The following ECPAS variants were observed in gnomAD, a reference collection of about 807,000 sequenced individuals.
ECPAS encodes the protein proteasome adapter and scaffold protein ECM29.
ECPAS carries 70 observed loss-of-function variants against 255.1 expected under a neutral mutation model. The ratio of observed to expected loss-of-function variants is 0.27; its 90% CI spans 0.23 to 0.33. The LOEUF (loss-of-function observed/expected upper bound fraction) is 0.33, where lower values mean the gene tolerates loss of function less well. ECPAS is among the 10% of genes least tolerant of loss of function. ECPAS has a pLI of 1.00. For synonymous variants in ECPAS, 784 were observed against 775.0 expected (o/e 1.01, Z -0.19); for missense variants, 1,817 against 2,206.4 (o/e 0.82, Z 3.54).
intron 1 of ECPAS, chr9:111,483,559 G>A (rs2098310237): frequency 7.9e-6 from 4 of 506,204 alleles, no homozygotes; most frequent in Non-Finnish European, 7.6e-6. Context: ...GCCGGGGAGG[G>A]AACGAGGGAG....
At chr9:111,462,028 G>T (rs533266868) in intron 2 of ECPAS, among the ~76,000 whole-genome samples, 1 of 152,264 alleles carries the variant, frequency 6.6e-6, no homozygotes, top group Non-Finnish European at 1.5e-5. Flanking sequence ...GGGAATTATG[G>T]GAGCTACAAG....
rs1422576527 is a variant in ECPAS, at chr9:111,389,685, A to G, written c.3318T>C (p.Ala1106=). 1.2e-6 allele frequency: 2 copies of G among 1,613,426 alleles called. No individual in the cohort carries two copies. Among genetic ancestry groups the G allele is most frequent in the Non-Finnish European group, 1.7e-6 (2 of 1,179,734 alleles). Residue 1106 remains alanine, a synonymous_variant, in exon 31 of 50, where the codon GCT becomes GCC. Coordinates refer to ENST00000684092, the MANE Select transcript of ECPAS (RefSeq NM_001364929.1). ...AFGFNVIATR[A]GEQLAPFLPQ... is the part of the protein sequence containing the mutation. Reference sequence around the variant, plus strand: ...GCAGAAAAGGAGCCAGCTGCTCTCCAGCTCTGGTAGCAATTACATTAAAAC... The same window carrying G: ...GCAGAAAAGGAGCCAGCTGCTCTCCGGCTCTGGTAGCAATTACATTAAAAC...
Position 111,411,025 on chromosome 9 carries a change from G to A in ECPAS, c.2332C>T (p.Leu778Phe), listed in dbSNP as rs186985951. The change falls in exon 22 of 50, where the codon CTC (leucine) becomes TTC (phenylalanine). Residue 778 changes from leucine (L) to phenylalanine (F), a missense_variant. Transcript: ENST00000684092. Reference protein sequence around the residue: ...QQDLERNADTLPDQEELIQSA... With the variant: ...QQDLERNADTFPDQEELIQSA... ...TGAATGAGTTCCTCTTGATCAGGGA[G>A]GGTGTCAGCATTTCTCTCCAGGTCT... The A allele has an allele frequency of 1.8e-3, 2,833 of 1,613,868 alleles. 9 individuals are homozygous for A. The highest frequency in any genetic ancestry group is 1.4e-3 in the South Asian group (126 of 91,070).
At chr9:111,410,797 G>A (rs2098192855) in intron 22 of ECPAS, among the ~76,000 whole-genome samples, 183 bp downstream of exon 22, 1 of 152,096 alleles carries the variant, frequency 6.6e-6, no homozygotes, top group South Asian at 2.1e-4. Context: ...GAGATTATAG[G>A]CATGAGCCAC....
chr9:111,410,857 T>C (rs2098192980), intron 22 of ECPAS, 123 bp downstream of exon 22: 3 of 1,059,214 alleles, frequency 2.8e-6, no homozygotes, highest in South Asian at 1.6e-5. Flanking sequence ...TCAAGTAAGT[T>C]TTTTGTGAAA....
At chr9:111,457,869 A>C (rs2098268818) in intron 2 of ECPAS, among the ~76,000 whole-genome samples, 1 of 152,210 alleles carries the variant, frequency 6.6e-6, no homozygotes. Context: ...GTGTCTAATC[A>C]CTGAAAAAAT....
At chr9:111,401,664 G>A (rs1179991475) in intron 24 of ECPAS, among the ~76,000 whole-genome samples, 1 of 152,158 alleles carries the variant, frequency 6.6e-6, no homozygotes. Flanking sequence ...AACCACATAA[G>A]ACAGACGCTC....
chr9:111,379,709 T>C (rs575493588), intron 35 of ECPAS, among the ~76,000 whole-genome samples: 1 of 152,254 alleles, frequency 6.6e-6, no homozygotes, highest in Non-Finnish European at 1.5e-5. Flanking sequence ...CAACTAAGTT[T>C]ATGAAATATT....
chr9:111,362,821 G>A (rs753427822), intron 49 of ECPAS, among the ~76,000 whole-genome samples: 185 of 152,198 alleles, frequency 1.2e-3, no homozygotes, highest in African/African-American at 4.1e-3. Context: ...TCGGTAATAC[G>A]ACTAAGTGCC....
At chr9:111,384,782 T>C (rs1232398943) in intron 33 of ECPAS, among the ~76,000 whole-genome samples, 1 of 152,238 alleles carries the variant, frequency 6.6e-6, no homozygotes, top group Non-Finnish European at 1.5e-5. Flanking sequence ...ACATTAACTG[T>C]AACCTATTTT....
chr9:111,440,996 C>CA (rs1198583707), intron 5 of ECPAS, among the ~76,000 whole-genome samples: 3 of 151,254 alleles, frequency 2.0e-5, no homozygotes, highest in Non-Finnish European at 2.9e-5. Context: ...ACTAAAAATA[C>CA]AAAAAATCAG....
At chr9:111,406,665 A>G (rs900635734) in intron 24 of ECPAS, among the ~76,000 whole-genome samples, 9 of 149,490 alleles carry the variant, frequency 6.0e-5, no homozygotes, top group Non-Finnish European at 1.5e-5. Context: ...GCATTTTGGG[A>G]GATCCAGGTG....
At chr9:111,397,529 T>C (rs1430943342) in intron 24 of ECPAS, among the ~76,000 whole-genome samples, 1 of 152,212 alleles carries the variant, frequency 6.6e-6, no homozygotes, top group Non-Finnish European at 1.5e-5. Context: ...TAAACCCTTA[T>C]TTAAACTTCT....
chr9:111,383,412 T>C (rs2098143097), intron 34 of ECPAS, 80 bp from the exon 35 acceptor site: 2 of 1,488,712 alleles, frequency 1.3e-6, no homozygotes, highest in South Asian at 1.3e-5. Context: ...GACTTTCTAC[T>C]TCACATATCT....
At chr9:111,443,451 A>G (rs770882480) in intron 4 of ECPAS, among the ~76,000 whole-genome samples, 1 of 140,902 alleles carries the variant, frequency 7.1e-6, no homozygotes. Flanking sequence ...GGGTTTCACT[A>G]TGATGGCCAG....
In ECPAS at chr9:111,473,017, CA is replaced by C. The variant is rs1181284801; in HGVS notation, c.-82-18del. On this transcript the variant is annotated intron_variant, in intron 1 of 49. Transcript: ENST00000684092. ...ATAAAGAATCTATTATTTAGAACAC[CA>C]AAAAAATACAATTAACAGATGTATA... 1.8e-5 allele frequency: 15 copies of C among 823,308 alleles called. No homozygotes were observed. The highest frequency in any genetic ancestry group is 6.6e-5 in the South Asian group (2 of 30,512). The allele number at this position is 823,308 out of a possible 1,614,324, so 51.0% of individuals were successfully genotyped here. A position where few individuals can be genotyped will look rare whatever the true frequency, so the allele number is the denominator to read the frequency against.
chr9:111,405,076 G>A (rs766185019), intron 24 of ECPAS, among the ~76,000 whole-genome samples: 2 of 149,554 alleles, frequency 1.3e-5, no homozygotes, highest in Non-Finnish European at 2.9e-5. Context: ...AAATTGCTAT[G>A]AAACCACCAA....
At chr9:111,374,979 C>A (rs976699798) in intron 38 of ECPAS, 134 bp downstream of exon 38, 1 of 659,906 alleles carries the variant, frequency 1.5e-6, no homozygotes, top group Non-Finnish European at 2.7e-6. Context: ...ATCAGTGCAA[C>A]CACAGAAATA....
chr9:111,401,263 T>C (rs1180470045), intron 24 of ECPAS, among the ~76,000 whole-genome samples: 2 of 151,956 alleles, frequency 1.3e-5, no homozygotes, highest in Non-Finnish European at 1.5e-5. Context: ...GTCTGAGAAA[T>C]AGAAAGAGTA....
Sources: gnomAD v4.1 joint callset for allele counts (sites outside exome capture counted in the v4.1 genomes callset) on GRCh38, gnomAD v4.1.1 for gene constraint, MANE v1.5 for transcripts, NCBI Gene and HGNC (gene_info 2026-07-23, HGNC 2026-07-21) for gene names.